ZNF395: variants seen among roughly 807,000 people sequenced by gnomAD.
ZNF395 encodes HD gene regulatory region-binding protein 2.
Under a neutral mutation model 57.7 loss-of-function variants are expected in ZNF395, and 20 were observed. The observed-to-expected ratio is 0.35, with a 90% CI of 0.24 to 0.50. ZNF395 has a LOEUF of 0.50. Ranked by LOEUF, ZNF395 falls within the 20% of genes least tolerant of loss-of-function variation. The probability of loss-of-function intolerance (pLI) is 0.97; values close to 1 mark genes in which losing one functional copy is unlikely to be tolerated. For missense variants in ZNF395, 606 were observed against 671.2 expected (o/e 0.90, Z 1.07); for synonymous variants, 295 against 275.9 (o/e 1.07, Z -0.69).
rs1450441798 is a variant in ZNF395 at position 28,363,138 on chromosome 8, T to TTTG, written c.-58-1957_-58-1956insCAA. ...TGTTTTTTTTTTGTTTGGGTTTTTT[T>TTTG]TTTTGTTTTTTAAGATGGAGTCTCA... On this transcript the variant is annotated intron_variant, in intron 1 of 9. Coordinates refer to ENST00000344423, the MANE Select transcript of ZNF395 (RefSeq NM_018660.3). 1.7e-4 allele frequency among the ~76,000 whole-genome samples: 26 copies of TTTG among 152,000 alleles called. No homozygotes were observed. The South Asian group carries it at 4.2e-3, about 24-fold the overall frequency.
Position 28,356,995 on chromosome 8 carries a change from C to G in ZNF395, c.474-216G>C, listed in dbSNP as rs1167966453. Reference sequence around the variant, plus strand: ...GTCTCCCCTTCTTCCTGAGCAGTACCCATTCTGAGTGATGCTTCTAATATT... The same window carrying G: ...GTCTCCCCTTCTTCCTGAGCAGTACGCATTCTGAGTGATGCTTCTAATATT... On this transcript the variant is annotated intron_variant, in intron 3 of 9. Transcript: ENST00000344423. The surrounding 1 kb of genome is among the most constrained non-coding windows in gnomAD (Gnocchi z 4.0). Among the ~76,000 whole-genome samples the G allele has an allele frequency of 1.3e-5, 2 of 152,112 alleles. No individual in the cohort carries two copies. Among genetic ancestry groups the G allele is most frequent in the African/African-American group, 4.8e-5 (2 of 41,400 alleles).
intron 1 of ZNF395, among the ~76,000 whole-genome samples, chr8:28,369,751 G>C (rs1238972274): frequency 6.6e-6 from 1 of 152,252 alleles, no homozygotes; most frequent in African/African-American, 2.4e-5. Context: ...ACCCACCTGG[G>C]GAGGGACTCA....
intron 7 of ZNF395, 152 bp downstream of exon 7, chr8:28,351,343 T>C (rs936609577): frequency 5.5e-5 from 42 of 763,102 alleles, no homozygotes; most frequent in Non-Finnish European, 7.8e-5. Context: ...TATTGAGCAG[T>C]GAATTCGGTT....
intron 1 of ZNF395, among the ~76,000 whole-genome samples, chr8:28,367,124 A>G (rs1801920136): frequency 6.6e-6 from 1 of 151,800 alleles, no homozygotes; most frequent in Admixed American, 6.6e-5. Flanking sequence ...AGGGCATTCT[A>G]ATTATTGTCT....
intron 1 of ZNF395, chr8:28,385,410 C>T (rs1802163564): frequency 6.6e-6 from 1 of 151,898 alleles, no homozygotes; most frequent in Admixed American, 6.6e-5. Flanking sequence ...CCGCCCCCCC[C>T]CCGGGCACCC....
At position 28,350,051 on chromosome 8, in the gene ZNF395, C is replaced by T. The variant is rs1801660882; in HGVS notation, c.1326+13G>A. On this transcript the variant is annotated intron_variant, in intron 8 of 9. Coordinates refer to ENST00000344423, the MANE Select transcript of ZNF395 (RefSeq NM_018660.3). ...GCCATACGAGGCCCCAGCCGTGCTG[C>T]CCGCACACTCACCGGAGAGAGAGAG... The T allele has an allele frequency of 6.3e-7, 1 of 1,586,030 alleles. No homozygotes were observed. Among genetic ancestry groups the T allele is most frequent in the Non-Finnish European group, 8.5e-7 (1 of 1,170,806 alleles).
Position 28,351,873 on chromosome 8 carries a change from C to T in ZNF395, c.921-66G>A, listed in dbSNP as rs933564711. 63 of 1,488,966 alleles carry T rather than the reference C, an allele frequency of 4.2e-5. No homozygotes were observed. In the African/African-American group the frequency reaches 7.1e-4, roughly 17 times the overall value. 92.2% of individuals were successfully genotyped at this position (1,488,966 alleles called of 1,614,324 possible). ...CCCCCTTCAAACCCAGCGGGGACCG[C>T]GGTAGGGAGGGAAGTGATTGCTTGA... On this transcript the variant is annotated intron_variant, in intron 6 of 9. Coordinates refer to ENST00000344423, the MANE Select transcript of ZNF395 (RefSeq NM_018660.3).
intron 1 of ZNF395, among the ~76,000 whole-genome samples, chr8:28,366,309 A>T (rs1462614272): frequency 6.6e-6 from 1 of 152,184 alleles, no homozygotes; most frequent in Non-Finnish European, 1.5e-5. Flanking sequence ...TTAAGTTTTT[A>T]GGTGTTTGGT....
At chr8:28,353,137 C>A in intron 5 of ZNF395, 36 bp downstream of exon 5, 1 of 1,603,952 alleles carries the variant, frequency 6.2e-7, no homozygotes, top group Non-Finnish European at 8.5e-7. Flanking sequence ...ATCATCCGCT[C>A]CAGCCTGGGC....
intron 3 of ZNF395, among the ~76,000 whole-genome samples, chr8:28,357,108 T>TG (rs1229743213): frequency 6.6e-6 from 1 of 152,164 alleles, no homozygotes; most frequent in African/African-American, 2.4e-5. Flanking sequence ...TGCTGAACTC[T>TG]GCAGCTTAAA....
chr8:28,380,991 G>A (rs1802101477), intron 1 of ZNF395, among the ~76,000 whole-genome samples: 1 of 149,574 alleles, frequency 6.7e-6, no homozygotes, highest in South Asian at 2.1e-4. Flanking sequence ...TGGGAGTACA[G>A]GCATGCACCA....
intron 1 of ZNF395, among the ~76,000 whole-genome samples, chr8:28,381,156 C>T (rs574254266): frequency 6.6e-6 from 1 of 152,270 alleles, no homozygotes; most frequent in East Asian, 1.9e-4. Context: ...ATTCTCTTGC[C>T]TCAGCCTCCC....
At chr8:28,377,870 G>A (rs1802060452) in intron 1 of ZNF395, among the ~76,000 whole-genome samples, 1 of 146,576 alleles carries the variant, frequency 6.8e-6, no homozygotes, top group Non-Finnish European at 1.5e-5. Flanking sequence ...TGATTCTCCT[G>A]CCTCAGCCTC....
intron 4 of ZNF395, among the ~76,000 whole-genome samples, chr8:28,353,684 G>A (rs1421414710): frequency 6.6e-6 from 1 of 151,998 alleles, no homozygotes; most frequent in Admixed American, 6.6e-5. Flanking sequence ...TAGAGATGGG[G>A]TCTTGCTATG....
At chr8:28,366,968 C>T (rs567368004) in intron 1 of ZNF395, among the ~76,000 whole-genome samples, 1 of 151,988 alleles carries the variant, frequency 6.6e-6, no homozygotes, top group Non-Finnish European at 1.5e-5. Flanking sequence ...TCTGGAATTA[C>T]CAGGTCCTGT....
chr8:28,372,114 CTG>C (rs1373850432), intron 1 of ZNF395, among the ~76,000 whole-genome samples: 1 of 152,146 alleles, frequency 6.6e-6, no homozygotes, highest in Non-Finnish European at 1.5e-5. Flanking sequence ...CCTCACCACT[CTG>C]TGCCTCAGTT....
chr8:28,374,448 T>A (rs544717778), intron 1 of ZNF395, among the ~76,000 whole-genome samples: 2 of 152,264 alleles, frequency 1.3e-5, no homozygotes, highest in South Asian at 4.1e-4. Flanking sequence ...TGTACTAACT[T>A]GCGCAATGAA....
At chr8:28,353,152 A>C in intron 5 of ZNF395, 21 bp downstream of exon 5, 1 of 1,611,586 alleles carries the variant, frequency 6.2e-7, no homozygotes, top group Non-Finnish European at 8.5e-7. Context: ...CTGGGCTCCC[A>C]CTCACACCAC....
chr8:28,382,772 C>T (rs965335692), intron 1 of ZNF395, among the ~76,000 whole-genome samples: 1 of 152,176 alleles, frequency 6.6e-6, no homozygotes, highest in African/African-American at 2.4e-5. Flanking sequence ...AATAAATACT[C>T]ACTGAATGCG....
Sources: allele counts gnomAD v4.1 joint callset (sites outside exome capture counted in the v4.1 genomes callset), GRCh38; gene constraint gnomAD v4.1.1; non-coding constraint Gnocchi (gnomAD v3.1); transcripts MANE v1.5; gene names NCBI Gene and HGNC (gene_info 2026-07-23, HGNC 2026-07-21).